Variants in DIPK2A observed in about 807,000 individuals in gnomAD.
DIPK2A encodes Golgi Protein of 49 kDa.
In DIPK2A, 27 loss-of-function variants were observed where a neutral mutation model predicts 39.0. The observed-to-expected ratio is 0.69, with a 90% confidence interval of 0.51 to 0.96. The LOEUF (loss-of-function observed/expected upper bound fraction) is 0.96, where lower values mean the gene tolerates loss of function less well. Among genes scored for constraint, DIPK2A ranks in the 40% least tolerant of loss-of-function variants. The pLI, the probability that DIPK2A is intolerant of heterozygous loss-of-function variation, is 0.00. For synonymous variants in DIPK2A, 298 were observed against 240.8 expected, an observed-to-expected ratio of 1.24 and a Z score of -2.20; for missense variants, 528 against 571.3, an observed-to-expected ratio of 0.92 and a Z score of 0.77.
chr3:143,979,574 G>C (rs1310532878), intron 1 of DIPK2A, among the ~76,000 whole-genome samples: 1 of 152,058 alleles, frequency 6.6e-6, no homozygotes, highest in Non-Finnish European at 1.5e-5. Flanking sequence ...ATGTGGAATT[G>C]GTCAATAGTG....
In DIPK2A at chr3:143,991,749, C is replaced by T. The variant is rs1249204520; in HGVS notation, c.*1908C>T. On this transcript the variant is annotated 3_prime_UTR_variant, in exon 3 of 3. Transcript: ENST00000315691. ...GGGGAGTGTTGAAAATTGCCAAACACTCACCTCTTACTCAAAACTTCAAAT... is the reference window on the plus strand; with the variant it reads ...GGGGAGTGTTGAAAATTGCCAAACATTCACCTCTTACTCAAAACTTCAAAT... The T allele has an allele frequency of 6.6e-6, 1 of 152,294 alleles. No individual in the cohort carries two copies. Among genetic ancestry groups the T allele is most frequent in the Non-Finnish European group, 1.5e-5 (1 of 68,008 alleles). 9.4% of individuals were successfully genotyped at this position (152,294 alleles called of 1,614,324 possible).
At position 143,972,157 on chromosome 3, in the gene DIPK2A, C is replaced by A. The variant is rs2087657844; in HGVS notation, c.-176C>A. The stretch of plus-strand genomic sequence containing the variant: ...TGGGAGAAGTCGCAGCCCGCTCAGG[C>A]CCGCGCCTTCCCGCTCCCCGTCTTC... On this transcript the variant is annotated 5_prime_UTR_variant, in exon 1 of 3. Transcript: ENST00000315691. The A allele has an allele frequency of 4.2e-6, 2 of 481,886 alleles. No homozygotes were observed. Among genetic ancestry groups the A allele is most frequent in the Middle Eastern group, 5.4e-4 (1 of 1,840 alleles). 29.9% of individuals were successfully genotyped at this position (481,886 alleles called of 1,614,324 possible).
At chr3:143,985,968 G>GCTTT in intron 2 of DIPK2A, 122 bp downstream of exon 2, 2 of 718,350 alleles carry the variant, frequency 2.8e-6, no homozygotes, top group South Asian at 3.9e-5. Context: ...GTCTTTCTTT[G>GCTTT]CTTTATATGA....
chr3:143,980,955 A>C (rs1436969336), intron 1 of DIPK2A, among the ~76,000 whole-genome samples: 1 of 152,242 alleles, frequency 6.6e-6, no homozygotes, highest in Non-Finnish European at 1.5e-5. Context: ...AAAGAATACA[A>C]GCACTTTTAA....
chr3:143,972,702 A>C lies in DIPK2A; in HGVS notation c.370A>C (p.Ser124Arg). Residue 124 changes from serine to arginine, a missense_variant, in exon 1 of 3, where the codon AGC (serine) becomes CGC (arginine). Physicochemically the swap from Ser to Arg is moderately radical, Grantham distance 110. This residue lies in a region of DIPK2A where 309 missense variants were observed against 289.8 expected (regional missense o/e 1.07). Transcript: ENST00000315691. Reference protein sequence around the residue: ...SQRELAQLDQSICKRATGRPR... With the variant: ...SQRELAQLDQRICKRATGRPR... ...GCGCGAGCTGGCGCAGCTCGACCAGAGCATCTGCAAGCGGGCCACCGGCCG... is the reference window on the plus strand; with the variant it reads ...GCGCGAGCTGGCGCAGCTCGACCAGCGCATCTGCAAGCGGGCCACCGGCCG... The C allele has an allele frequency of 6.2e-7, 1 of 1,604,276 alleles. No individual in the cohort carries two copies. The highest frequency in any genetic ancestry group is 8.5e-7 in the Non-Finnish European group (1 of 1,176,772).
chr3:143,987,369 C>T (rs1051504155), intron 2 of DIPK2A, among the ~76,000 whole-genome samples: 1 of 152,170 alleles, frequency 6.6e-6, no homozygotes, highest in Non-Finnish European at 1.5e-5. Flanking sequence ...ATGAATCCAG[C>T]CATATAGCTT....
At position 143,972,404 on chromosome 3, in the gene DIPK2A, G is replaced by A. The variant is rs777893282; in HGVS notation, c.72G>A (p.Leu24=). The A allele has an allele frequency of 2.0e-6, 3 of 1,500,068 alleles. No individual in the cohort carries two copies. Among genetic ancestry groups the A allele is most frequent in the Non-Finnish European group, 1.8e-6 (2 of 1,121,910 alleles). 92.9% of individuals were successfully genotyped at this position (1,500,068 alleles called of 1,614,324 possible). ...TGAAGCTGGCGGCGCTGGGCAGCCT[G>A]TTGGTGCTGATGGTGCTGCACTCGC... ...RSLKLAALGS[L]LVLMVLHSPS... is the part of the protein sequence containing the mutation. The change falls in exon 1 of 3, where the codon CTG becomes CTA. Residue 24 remains leucine (L), a synonymous_variant. Coordinates refer to ENST00000315691, the MANE Select transcript of DIPK2A (RefSeq NM_173552.5).
intron 2 of DIPK2A, 25 bp from the exon 3 acceptor site, chr3:143,989,485 A>T: frequency 1.3e-6 from 2 of 1,538,568 alleles, no homozygotes; most frequent in Admixed American, 4.1e-5. Context: ...ATTTTTTTCT[A>T]CTTCTGCTTT....
At position 143,989,516 on chromosome 3, in the gene DIPK2A, C is replaced by G. The variant is rs141151104; in HGVS notation, c.968C>G (p.Pro323Arg). 4.6e-4 allele frequency: 727 copies of G among 1,596,494 alleles called. 3 individuals are homozygous for G. The African/African-American group carries it at 8.6e-3, about 19-fold the overall frequency. The stretch of plus-strand genomic sequence containing the variant: ...GCTTTTCCTCCTTTCACAGATAAAC[C>G]TGAAAATTGGGATGTATGGTATGAA... The part of the protein sequence containing the change: ...ADKRLIRQNK[P>R]ENWDVWYESK... The change falls in exon 3 of 3, where the codon CCT becomes CGT. Residue 323 changes from proline (P) to arginine (R), a missense_variant. Physicochemically the swap from Pro to Arg is moderately radical, Grantham distance 103. Transcript: ENST00000315691.
rs191553441 is a variant in DIPK2A, at chr3:143,976,074, A to T, written c.657+3085A>T. On this transcript the variant is annotated intron_variant, in intron 1 of 2. Transcript: ENST00000315691. ...AGGTGAAAGACATTAAGTGTCTAAG[A>T]TGTTTACACACATACCTTATCTATG... 3.6e-3 allele frequency among the ~76,000 whole-genome samples: 542 copies of T among 152,234 alleles called. 3 individuals are homozygous for T. Among genetic ancestry groups the T allele is most frequent in the Middle Eastern group, 0.01 (3 of 294 alleles).
At chr3:143,988,450 A>G (rs767031251) in intron 2 of DIPK2A, among the ~76,000 whole-genome samples, 22 of 151,888 alleles carry the variant, frequency 1.4e-4, no homozygotes, top group Non-Finnish European at 1.9e-4. Context: ...CCCTCCATCT[A>G]TTGCCCTTGG....
Position 143,983,801 on chromosome 3 carries a change from CCACT to C in DIPK2A, c.658-1741_658-1738del. 2.0e-5 allele frequency among the ~76,000 whole-genome samples: 3 copies of C among 152,026 alleles called. 1 individual carries two copies. The highest frequency in any genetic ancestry group is 1.3e-4 in the Admixed American group (2 of 15,260). On this transcript the variant is annotated intron_variant, in intron 1 of 2. Transcript: ENST00000315691. ...TTTTGAAAAGATTAGAAAAACCAGA[CCACT>C]AGCAATACAAACTGTTTTGTATTGG...
At chr3:143,986,534 C>T (rs1271100775) in intron 2 of DIPK2A, among the ~76,000 whole-genome samples, 5 of 151,508 alleles carry the variant, frequency 3.3e-5, no homozygotes, top group Non-Finnish European at 4.4e-5. Flanking sequence ...ACCATCCTGG[C>T]TAACACGGTG....
intron 1 of DIPK2A, 81 bp from the exon 2 acceptor site, chr3:143,985,462 A>T: frequency 8.5e-7 from 1 of 1,183,374 alleles, no homozygotes; most frequent in East Asian, 2.3e-5. Context: ...CCTAGTAGCA[A>T]TCTCTACTGA....
chr3:143,976,254 A>G (rs1045880697), intron 1 of DIPK2A, among the ~76,000 whole-genome samples: 15 of 152,030 alleles, frequency 9.9e-5, no homozygotes, highest in Non-Finnish European at 1.8e-4. Context: ...AAGCAACAAG[A>G]TAATGCTAGT....
At chr3:143,978,346 T>C (rs575637239) in intron 1 of DIPK2A, 26 of 152,426 alleles carry the variant, frequency 1.7e-4, no homozygotes, top group African/African-American at 6.3e-4. Context: ...AAATTATTAG[T>C]GTAAGGTGAG....
At chr3:143,983,030 A>G (rs2087847341) in intron 1 of DIPK2A, among the ~76,000 whole-genome samples, 1 of 152,188 alleles carries the variant, frequency 6.6e-6, no homozygotes, top group South Asian at 2.1e-4. Flanking sequence ...AAGAAGAGCT[A>G]ACTATATATA....
rs996745667 is a variant in DIPK2A at position 143,972,526 on chromosome 3, G to A, written c.194G>A (p.Arg65His). Residue 65 changes from arginine (R) to histidine (H), a missense_variant, in exon 1 of 3, where the codon CGC becomes CAC. Physicochemically the swap from Arg to His is conservative, Grantham distance 29. Transcript: ENST00000315691. ...CPACFGTSWCRRFLNGQVVFE... is the reference protein window; with the variant it reads ...CPACFGTSWCHRFLNGQVVFE... ...GCGTGCTTCGGCACGAGCTGGTGCC[G>A]CCGCTTCCTCAACGGGCAGGTGGTA... 5.0e-6 allele frequency: 8 copies of A among 1,611,928 alleles called. No homozygotes were observed. The highest frequency in any genetic ancestry group is 1.7e-5 in the Admixed American group (1 of 59,958).
rs1321396341 is a variant in DIPK2A at position 143,990,291 on chromosome 3, T to G, written c.*450T>G. 1 of 153,126 alleles carries G rather than the reference T, an allele frequency of 6.5e-6. No individual in the cohort carries two copies. The highest frequency in any genetic ancestry group is 2.1e-4 in the South Asian group (1 of 4,852). 9.5% of individuals were successfully genotyped at this position (153,126 alleles called of 1,614,324 possible). ...CTTTTTCCTTCTGATGTGTAGGGTTTTTTCCCCCTTTTTTTTTTTAATTAA... is the reference window on the plus strand; with the variant it reads ...CTTTTTCCTTCTGATGTGTAGGGTTGTTTCCCCCTTTTTTTTTTTAATTAA... On this transcript the variant is annotated 3_prime_UTR_variant, in exon 3 of 3. Coordinates refer to ENST00000315691, the MANE Select transcript of DIPK2A (RefSeq NM_173552.5).
Sources: allele counts gnomAD v4.1 joint callset (sites outside exome capture counted in the v4.1 genomes callset), GRCh38; gene constraint gnomAD v4.1.1; regional missense constraint gnomAD v4.1.1; transcripts MANE v1.5; gene names NCBI Gene and HGNC (gene_info 2026-07-23, HGNC 2026-07-21).